Variants in GAK observed in about 807,000 individuals in gnomAD.
GAK encodes the protein cyclin-G-associated kinase.
A neutral mutation model predicts 143.9 loss-of-function variants in GAK; 79 were observed. That is an observed-to-expected ratio of 0.55 (90% CI 0.46 to 0.66). The LOEUF (loss-of-function observed/expected upper bound fraction) is 0.66, where lower values mean the gene tolerates loss of function less well. Among genes scored for constraint, GAK ranks in the 30% least tolerant of loss-of-function variants. The pLI is 0.00. For missense variants in GAK, 1,693 were observed against 1,779.7 expected (o/e 0.95, Z 0.88); for synonymous variants, 881 against 765.5 (o/e 1.15, Z -2.49).
At chr4:873,496 T>TA (rs35149051) in intron 18 of GAK, among the ~76,000 whole-genome samples, 149 of 148,108 alleles carry the variant, frequency 1.0e-3, no homozygotes, top group Middle Eastern at 3.4e-3. Flanking sequence ...TTAAACCTTG[T>TA]AAAAAAAAAA....
At chr4:875,610 T>C (rs559822100) in intron 18 of GAK, among the ~76,000 whole-genome samples, 1 of 152,330 alleles carries the variant, frequency 6.6e-6, no homozygotes, top group Admixed American at 6.5e-5. Context: ...CCCCCGTGGG[T>C]GCCCCCTCTG....
chr4:870,556 G>T (rs1292538376), intron 19 of GAK, among the ~76,000 whole-genome samples, 155 bp downstream of exon 19: 1 of 152,164 alleles, frequency 6.6e-6, no homozygotes, highest in East Asian at 1.9e-4. Context: ...CATCCACGAC[G>T]GAGTTTCCAA....
chr4:859,068 G>T, intron 24 of GAK: 2 of 677,276 alleles, frequency 3.0e-6, no homozygotes, highest in Non-Finnish European at 3.6e-6. Context: ...TGCATCTTGG[G>T]AGTGAACCCA....
intron 10 of GAK, among the ~76,000 whole-genome samples, chr4:889,714 C>T (rs547381408): frequency 3.9e-4 from 59 of 152,310 alleles, no homozygotes; most frequent in African/African-American, 1.1e-3. Context: ...GGATGCGGGG[C>T]GAGGTCGGGA....
At position 849,363 on chromosome 4, in the gene GAK, C is replaced by G. The variant is rs1747643156; in HGVS notation, c.*310G>C. On this transcript the variant is annotated 3_prime_UTR_variant, in exon 28 of 28. Transcript: ENST00000314167. ...AAACACCAGGGCCCATGAGCGCCAG[C>G]AGCGTGGCCCACCACGTGCCGGGGC... is the stretch of plus-strand genomic sequence containing the variant. 1 of 443,398 alleles carries G rather than the reference C, an allele frequency of 2.3e-6. No homozygotes were observed. The highest frequency in any genetic ancestry group is 2.0e-5 in the African/African-American group (1 of 50,764). 27.5% of individuals were successfully genotyped at this position (443,398 alleles called of 1,614,324 possible). A position where few individuals can be genotyped will look rare whatever the true frequency, so the allele number is the denominator to read the frequency against.
rs73064453 is a variant in GAK at position 925,413 on chromosome 4, G to C, written c.145+6630C>G. On this transcript the variant is annotated intron_variant, in intron 1 of 27. Coordinates refer to ENST00000314167, the MANE Select transcript of GAK (RefSeq NM_005255.4). ...CACGCTGGGGACGGGACAGAGTGCCGGGGGACAGTGAGGTCAGTACAGGAC... is the reference window on the plus strand; with the variant it reads ...CACGCTGGGGACGGGACAGAGTGCCCGGGGACAGTGAGGTCAGTACAGGAC... 2.9e-3 allele frequency among the ~76,000 whole-genome samples: 444 copies of C among 152,318 alleles called. 4 individuals carry two copies. The highest frequency in any genetic ancestry group is 0.01 in the African/African-American group (427 of 41,562).
chr4:861,668 T>G (rs1038743065), intron 23 of GAK, among the ~76,000 whole-genome samples: 10 of 152,158 alleles, frequency 6.6e-5, no homozygotes, highest in Admixed American at 2.6e-4. Context: ...AAGGAAAAGT[T>G]CCTGAAGGAA....
At chr4:864,644 A>G (rs1750833136) in intron 23 of GAK, among the ~76,000 whole-genome samples, 1 of 151,796 alleles carries the variant, frequency 6.6e-6, no homozygotes, top group Non-Finnish European at 1.5e-5. Flanking sequence ...GGGCGTCGCA[A>G]ACACGACTGC....
At chr4:863,812 C>T (rs1420945834) in intron 23 of GAK, among the ~76,000 whole-genome samples, 1 of 152,092 alleles carries the variant, frequency 6.6e-6, no homozygotes, top group African/African-American at 2.4e-5. Flanking sequence ...ATCACAAGGT[C>T]AGGAGTTCGA....
chr4:850,774 A>C (rs530410176), intron 26 of GAK, 162 bp downstream of exon 26: 3 of 721,620 alleles, frequency 4.2e-6, no homozygotes, highest in Non-Finnish European at 6.3e-6. Context: ...ATCGGCAGTG[A>C]CAGGTCCCTG....
At chr4:887,762 T>A (rs1716796647) in intron 11 of GAK, 1 of 152,346 alleles carries the variant, frequency 6.6e-6, no homozygotes, top group Admixed American at 6.5e-5. Flanking sequence ...CATGCACATG[T>A]GCTCATACAC....
At position 867,394 on chromosome 4, in the gene GAK, A is replaced by T. The variant is rs1560308447; in HGVS notation, c.2434T>A (p.Ser812Thr). Residue 812 changes from serine (S) to threonine (T), a missense_variant, in exon 21 of 28, where the codon TCC (serine) becomes ACC (threonine). Ser to Thr is a moderately conservative substitution (Grantham distance 58, BLOSUM62 1). Around this residue, in one of 2 missense-constraint regions of GAK, gnomAD observed 822 missense variants for 788.7 expected, o/e 1.04. Transcript: ENST00000314167. ...EAETGAENAS[S>T]KESESALMED... is the part of the protein sequence containing the mutation. The stretch of plus-strand genomic sequence containing the variant: ...ATCAGGGCAGACTCGCTCTCCTTGG[A>T]AGAGGCATTTTCTGCACCAGTCTCT... The T allele has an allele frequency of 6.4e-7, 1 of 1,550,796 alleles. No homozygotes were observed. The highest frequency in any genetic ancestry group is 1.4e-5 in the African/African-American group (1 of 73,184).
intron 4 of GAK, among the ~76,000 whole-genome samples, chr4:909,229 C>T (rs1721603691): frequency 6.6e-6 from 1 of 152,252 alleles, no homozygotes; most frequent in South Asian, 2.1e-4. Flanking sequence ...GAGCGGGAGG[C>T]CCCACGGCGT....
At chr4:915,142 A>C (rs1205840014) in intron 1 of GAK, among the ~76,000 whole-genome samples, 12 of 134,036 alleles carry the variant, frequency 9.0e-5, no homozygotes, top group Non-Finnish European at 1.6e-4. Flanking sequence ...GCACGGCCCC[A>C]CACACACAGC....
chr4:883,559 C>T lies in GAK; in HGVS notation c.1256-96G>A, dbSNP rs572126233. On this transcript the variant is annotated intron_variant, in intron 12 of 27. Transcript: ENST00000314167. ...GCTGCTCCTGACGCCCCCGGGCAAG[C>T]GCAGCCTCCGGCAGCTCCACCAGCC... 1,969 of 1,417,088 alleles carry T rather than the reference C, an allele frequency of 1.4e-3. 2 individuals are homozygous for T. Among genetic ancestry groups the T allele is most frequent in the Admixed American group, 3.2e-3 (176 of 55,686 alleles). The allele number at this position is 1,417,088 out of a possible 1,614,324, so 87.8% of individuals were successfully genotyped here.
At chr4:910,594 C>T (rs1315328132) in intron 4 of GAK, among the ~76,000 whole-genome samples, 1 of 152,104 alleles carries the variant, frequency 6.6e-6, no homozygotes, top group African/African-American at 2.4e-5. Flanking sequence ...AGCCGGCCTG[C>T]GGGAACAGCT....
At chr4:913,752 T>C in intron 1 of GAK, 84 bp from the exon 2 acceptor site, 1 of 1,188,192 alleles carries the variant, frequency 8.4e-7, no homozygotes, top group Non-Finnish European at 1.3e-6. Flanking sequence ...CTAAGTAAAA[T>C]ACAAATTGAC....
In GAK at chr4:883,399, C is replaced by T. The variant is rs1197473983; in HGVS notation, c.1320G>A (p.Leu440=). 1 of 1,613,812 alleles carries T rather than the reference C, an allele frequency of 6.2e-7. No individual in the cohort carries two copies. The highest frequency in any genetic ancestry group is 1.1e-5 in the South Asian group (1 of 91,092). Residue 440 remains leucine, a synonymous_variant, in exon 13 of 28, where the codon TTG becomes TTA. Transcript: ENST00000314167. ...ALKNNIEDVR[L]FLDSKHPGHY... ...GCCCTGGGTGCTTGGAGTCCAGGAA[C>T]AACCGCACATCTTCGATGTTGTTTT...
chr4:852,160 AG>A (rs1422451989), intron 24 of GAK, 186 bp from the exon 25 acceptor site: 9 of 636,952 alleles, frequency 1.4e-5, no homozygotes, highest in Non-Finnish European at 2.5e-5. Context: ...GCTGGAGCAC[AG>A]GCCAGGTGCT....
Sources: gnomAD v4.1 joint callset for allele counts (sites outside exome capture counted in the v4.1 genomes callset) on GRCh38, gnomAD v4.1.1 for gene constraint, gnomAD v4.1.1 regional missense constraint, MANE v1.5 for transcripts, NCBI Gene and HGNC (gene_info 2026-07-23, HGNC 2026-07-21) for gene names.